SGK2: variants seen among roughly 807,000 people sequenced by gnomAD.
SGK2 encodes the protein serum/glucocorticoid regulated kinase 2.
Under a neutral mutation model 47.5 loss-of-function variants are expected in SGK2, and 36 were observed. The ratio of observed to expected loss-of-function variants is 0.76; its 90% CI spans 0.58 to 1.00. The LOEUF (loss-of-function observed/expected upper bound fraction) is 1.00, where lower values mean the gene tolerates loss of function less well. Among genes scored for constraint, SGK2 ranks in the 50% least tolerant of loss-of-function variants. SGK2 has a pLI of 0.00. For synonymous variants in SGK2, 157 were observed against 181.9 expected (o/e 0.86, Z 1.10); for missense variants, 404 against 467.4 (o/e 0.86, Z 1.25).
chr20:43,573,632 C>T (rs1457334517), intron 9 of SGK2, among the ~76,000 whole-genome samples: 2 of 152,210 alleles, frequency 1.3e-5, no homozygotes, highest in African/African-American at 2.4e-5. Flanking sequence ...GACTCCTCCC[C>T]ACCTGGCATG....
Position 43,567,091 on chromosome 20 carries a change from C to T in SGK2, c.60C>T (p.Ile20=). ...AGCCCTCCAGGGCCAATGGGAACAT[C>T]AACCTGGGGCCTTCAGCCAACCCAA... ...SPQPSRANGN[I]NLGPSANPNA... is the part of the protein sequence containing the mutation. The change falls in exon 3 of 13, where the codon ATC becomes ATT. Residue 20 remains isoleucine, a synonymous_variant. Transcript: ENST00000373100. 6.2e-7 allele frequency: 1 copy of T among 1,614,144 alleles called. No individual in the cohort carries two copies. The highest frequency in any genetic ancestry group is 8.5e-7 in the Non-Finnish European group (1 of 1,179,962).
chr20:43,565,858 G>C (rs2145531996), intron 1 of SGK2: 1 of 156,172 alleles, frequency 6.4e-6, no homozygotes, highest in East Asian at 1.9e-4. Context: ...CCAGTCTTGG[G>C]TCTCTCTGTG....
rs1601005011 is a variant in SGK2, at chr20:43,585,282, C to T, written c.*266C>T. ...TACAAGATGGTTACTGGAGCTCTAG[C>T]TGCCTATTTTGTGTTTAGGGAAGGG... On this transcript the variant is annotated 3_prime_UTR_variant, in exon 13 of 13. Coordinates refer to ENST00000373100, the MANE Select transcript of SGK2 (RefSeq NM_170693.3). The T allele has an allele frequency of 1.2e-5, 3 of 243,910 alleles. No homozygotes were observed. In the South Asian group the frequency reaches 2.5e-4, roughly 20 times the overall value. The allele number at this position is 243,910 out of a possible 1,614,324, so 15.1% of individuals were successfully genotyped here. A position where few individuals can be genotyped will look rare whatever the true frequency, so the allele number is the denominator to read the frequency against.
At position 43,570,977 on chromosome 20, in the gene SGK2, C is replaced by T. The variant is rs62224805; in HGVS notation, c.474-47C>T. The T allele has an allele frequency of 1.9e-6, 3 of 1,612,146 alleles. No homozygotes were observed. The Admixed American group carries it at 5.0e-5, about 27-fold the overall frequency. Reference sequence around the variant, plus strand: ...CCGCCCAGGTCTCCAACTCTCCTCACTAAATGGCTGAGACACCTCAAGGCT... The same window carrying T: ...CCGCCCAGGTCTCCAACTCTCCTCATTAAATGGCTGAGACACCTCAAGGCT... On this transcript the variant is annotated intron_variant, in intron 7 of 12. Coordinates refer to ENST00000373100, the MANE Select transcript of SGK2 (RefSeq NM_170693.3).
intron 11 of SGK2, 52 bp downstream of exon 11, chr20:43,576,431 G>T (rs538623200): frequency 6.6e-7 from 1 of 1,525,554 alleles, no homozygotes; most frequent in Non-Finnish European, 9.0e-7. Flanking sequence ...GCAGCTTCCT[G>T]CAGAGGCAGC....
intron 12 of SGK2, chr20:43,583,084 C>T (rs17752440): frequency 7.3e-6 from 7 of 956,052 alleles, no homozygotes; most frequent in Non-Finnish European, 9.8e-6. Context: ...ATCGAAACAG[C>T]CTGCATATCA....
chr20:43,583,124 A>T, intron 12 of SGK2: 2 of 1,212,218 alleles, frequency 1.6e-6, no homozygotes, highest in Non-Finnish European at 2.1e-6. Context: ...CACCATTTAC[A>T]TTTCTCATTT....
chr20:43,583,333 C>T lies in SGK2; in HGVS notation c.940-1519C>T, dbSNP rs78117849. ...GACTTTAGAATGAGACACTCCGGAG[C>T]TGGATTCCTGGTTTTGTCACCTACC... is the stretch of plus-strand genomic sequence containing the variant. On this transcript the variant is annotated intron_variant, in intron 12 of 12. Transcript: ENST00000373100. The T allele has an allele frequency of 1.5e-3, 1,921 of 1,281,182 alleles. 21 individuals are homozygous for T. In the African/African-American group the frequency reaches 0.026, roughly 17 times the overall value. 79.4% of individuals were successfully genotyped at this position (1,281,182 alleles called of 1,614,324 possible). A position where few individuals can be genotyped will look rare whatever the true frequency, so the allele number is the denominator to read the frequency against.
intron 12 of SGK2, among the ~76,000 whole-genome samples, chr20:43,581,728 C>T (rs1980810650): frequency 6.6e-6 from 1 of 152,040 alleles, no homozygotes; most frequent in South Asian, 2.1e-4. Context: ...GGGGTTTCAC[C>T]ATATTGGCCA....
chr20:43,563,423 G>A (rs971560503), intron 1 of SGK2, among the ~76,000 whole-genome samples: 2 of 152,186 alleles, frequency 1.3e-5, no homozygotes, highest in African/African-American at 4.8e-5. Context: ...AATAAGATGA[G>A]GATGAGGAAC....
intron 12 of SGK2, chr20:43,583,726 T>C: frequency 2.1e-6 from 1 of 484,068 alleles, no homozygotes; most frequent in African/African-American, 2.1e-5. Flanking sequence ...CCCAGCACTT[T>C]ATGAGGCCGA....
chr20:43,581,708 C>A (rs1192500553), intron 12 of SGK2, among the ~76,000 whole-genome samples: 1 of 151,912 alleles, frequency 6.6e-6, no homozygotes, highest in Non-Finnish European at 1.5e-5. Context: ...TTTGCATTTT[C>A]AGTAGAAACG....
At chr20:43,567,643 G>A (rs184055248) in intron 3 of SGK2, 22 bp from the exon 4 acceptor site, 373 of 1,613,048 alleles carry the variant, frequency 2.3e-4, no homozygotes, top group Admixed American at 9.3e-4. Context: ...ATGCTGATCC[G>A]TGTTTTTCCC....
chr20:43,565,073 C>G (rs1170795731), intron 1 of SGK2: 1 of 152,492 alleles, frequency 6.6e-6, no homozygotes, highest in Non-Finnish European at 1.5e-5. Context: ...GAACAGAAGT[C>G]TCCAGTCCCA....
At chr20:43,574,854 T>G in intron 9 of SGK2, 55 bp from the exon 10 acceptor site, 1 of 1,355,918 alleles carries the variant, frequency 7.4e-7, no homozygotes, top group Non-Finnish European at 1.1e-6. Context: ...TATTTACAGC[T>G]GGGGCAACTG....
intron 9 of SGK2, 88 bp from the exon 10 acceptor site, chr20:43,574,821 T>C: frequency 1.1e-6 from 1 of 886,528 alleles, no homozygotes; most frequent in African/African-American, 1.6e-5. Flanking sequence ...GGTCAGCTCT[T>C]GGTCATCTTC....
chr20:43,566,439 A>G (rs562482234), intron 1 of SGK2, 34 bp from the exon 2 acceptor site: 2 of 1,613,484 alleles, frequency 1.2e-6, no homozygotes, highest in Non-Finnish European at 8.5e-7. Flanking sequence ...CCCAACACCA[A>G]CTCTCTCATG....
intron 9 of SGK2, among the ~76,000 whole-genome samples, chr20:43,574,479 G>A (rs768955238): frequency 3.9e-5 from 6 of 152,226 alleles, no homozygotes; most frequent in Non-Finnish European, 8.8e-5. Context: ...GACACGGATA[G>A]CCAGTTGAAT....
At position 43,584,926 on chromosome 20, in the gene SGK2, C is replaced by T. The variant is rs1239966377; in HGVS notation, c.1014C>T (p.Thr338=). Reference sequence around the variant, plus strand: ...CTGTGTCCAAGTCCATTGGCTGTACCCCTGACACTGTGGCCAGCAGCTCTG... The same window carrying T: ...CTGTGTCCAAGTCCATTGGCTGTACTCCTGACACTGTGGCCAGCAGCTCTG... ...QEAVSKSIGC[T]PDTVASSSGA... Residue 338 remains threonine (T), a synonymous_variant, in exon 13 of 13, where the codon ACC becomes ACT. Coordinates refer to ENST00000373100, the MANE Select transcript of SGK2 (RefSeq NM_170693.3). 1 of 1,614,082 alleles carries T rather than the reference C, an allele frequency of 6.2e-7. No homozygotes were observed. The highest frequency in any genetic ancestry group is 1.3e-5 in the African/African-American group (1 of 75,026).
Sources: gnomAD v4.1 joint callset for allele counts (sites outside exome capture counted in the v4.1 genomes callset) on GRCh38, gnomAD v4.1.1 for gene constraint, MANE v1.5 for transcripts, NCBI Gene and HGNC (gene_info 2026-07-23, HGNC 2026-07-21) for gene names.